Variants in USP33 observed in about 807,000 individuals in gnomAD.
The protein encoded by USP33 is ubiquitin specific peptidase 33, also known as ubiquitin carboxyl-terminal hydrolase 33.
In USP33, 46 loss-of-function variants were observed where a neutral mutation model predicts 124.2. The ratio of observed to expected loss-of-function variants is 0.37; its 90% CI spans 0.29 to 0.47. The LOEUF is 0.47. Among genes scored for constraint, USP33 ranks in the 20% least tolerant of loss-of-function variants. The pLI, the probability that USP33 is intolerant of heterozygous loss-of-function variation, is 0.99. For missense variants in USP33, 851 were observed against 1,070.6 expected (o/e 0.79, Z 2.86); for synonymous variants, 350 against 352.3 (o/e 0.99, Z 0.07).
chr1:77,734,731 T>C (rs1039892183), intron 6 of USP33, among the ~76,000 whole-genome samples: 3 of 152,232 alleles, frequency 2.0e-5, no homozygotes, highest in African/African-American at 7.2e-5. Context: ...TAACTAAAGT[T>C]TAATTATTTT....
intron 1 of USP33, among the ~76,000 whole-genome samples, chr1:77,757,842 C>A (rs905271159): frequency 1.1e-4 from 16 of 152,222 alleles, no homozygotes; most frequent in African/African-American, 3.9e-4. Flanking sequence ...TCTTGGCATT[C>A]GGAGCTCAGA....
chr1:77,735,079 C>T (rs1489071983), intron 6 of USP33, among the ~76,000 whole-genome samples: 3 of 151,336 alleles, frequency 2.0e-5, no homozygotes, highest in African/African-American at 7.3e-5. Context: ...GCCGAGATTG[C>T]ACCACTGCAC....
At chr1:77,718,711 T>G (rs1443062158) in intron 15 of USP33, 70 bp from the exon 16 acceptor site, 1 of 1,261,788 alleles carries the variant, frequency 7.9e-7, no homozygotes, top group Non-Finnish European at 1.1e-6. Flanking sequence ...GCAACAAAAA[T>G]CTTTTAGAAA....
At chr1:77,705,899 A>C (rs1674573073) in intron 21 of USP33, among the ~76,000 whole-genome samples, 4 of 152,188 alleles carry the variant, frequency 2.6e-5, no homozygotes. Flanking sequence ...CATATAAATG[A>C]AATTAGACAT....
chr1:77,738,330 A>C (rs1678715908), intron 5 of USP33, among the ~76,000 whole-genome samples: 1 of 152,240 alleles, frequency 6.6e-6, no homozygotes, highest in Admixed American at 6.5e-5. Context: ...ATTCTGATCA[A>C]CTGATGATCT....
At chr1:77,745,231 G>A (rs1018167268) in intron 1 of USP33, among the ~76,000 whole-genome samples, 2 of 152,208 alleles carry the variant, frequency 1.3e-5, no homozygotes, top group Admixed American at 6.5e-5. Flanking sequence ...TTTTATCAGA[G>A]ACTAGGATTG....
Position 77,734,772 on chromosome 1 carries a change from G to A in USP33, c.455-356C>T, listed in dbSNP as rs562220794. ...AATTAATGACAATGCAAAAAAACTC[G>A]TCATGATAAATGATAAGCAAACACC... On this transcript the variant is annotated intron_variant, in intron 6 of 23. Coordinates refer to ENST00000370794, the MANE Select transcript of USP33 (RefSeq NM_201624.3). Among the ~76,000 whole-genome samples the A allele has an allele frequency of 5.3e-5, 8 of 152,208 alleles. No homozygotes were observed. In the East Asian group the frequency reaches 5.8e-4, roughly 11 times the overall value.
At chr1:77,743,789 G>A (rs555811932) in intron 1 of USP33, among the ~76,000 whole-genome samples, 78 of 152,200 alleles carry the variant, frequency 5.1e-4, no homozygotes, top group African/African-American at 1.7e-3. Context: ...CTCAATAATC[G>A]GAAGAAATTA....
At chr1:77,718,734 A>C in intron 15 of USP33, 93 bp from the exon 16 acceptor site, 2 of 1,004,008 alleles carry the variant, frequency 2.0e-6, no homozygotes, top group Non-Finnish European at 3.0e-6. Context: ...GCAGAGATCC[A>C]GCCTGGCAAA....
chr1:77,709,882 T>C (rs1027930617), intron 21 of USP33, among the ~76,000 whole-genome samples: 24 of 144,878 alleles, frequency 1.7e-4, no homozygotes, highest in African/African-American at 3.3e-4. Context: ...TGCATACACA[T>C]ACACACACAC....
chr1:77,705,348 C>A (rs1674510053), intron 21 of USP33, among the ~76,000 whole-genome samples: 1 of 152,080 alleles, frequency 6.6e-6, no homozygotes, highest in South Asian at 2.1e-4. Context: ...GCACCCGCCA[C>A]CATGCCTGGC....
chr1:77,758,352 T>C (rs1681001972), intron 1 of USP33, among the ~76,000 whole-genome samples: 1 of 152,074 alleles, frequency 6.6e-6, no homozygotes, highest in African/African-American at 2.4e-5. Context: ...GGCTAATTTT[T>C]TGTAATTTTT....
intron 7 of USP33, among the ~76,000 whole-genome samples, chr1:77,730,965 A>G (rs1570805264): frequency 1.3e-5 from 2 of 152,234 alleles, no homozygotes; most frequent in Admixed American, 1.3e-4. Flanking sequence ...GTCCCCACTC[A>G]GTAACATTTG....
At chr1:77,735,880 C>A (rs1322059882) in intron 6 of USP33, among the ~76,000 whole-genome samples, 176 bp downstream of exon 6, 1 of 151,996 alleles carries the variant, frequency 6.6e-6, no homozygotes, top group East Asian at 1.9e-4. Context: ...TAAACTGACA[C>A]CAGAGAAACC....
intron 5 of USP33, among the ~76,000 whole-genome samples, chr1:77,736,908 T>C (rs1337962561): frequency 6.6e-6 from 1 of 152,136 alleles, no homozygotes; most frequent in Non-Finnish European, 1.5e-5. Context: ...ACACCCGGCC[T>C]GCACACTTTT....
At position 77,715,741 on chromosome 1, in the gene USP33, C is replaced by T; in HGVS notation, c.2045+1G>A. 6.2e-7 allele frequency: 1 copy of T among 1,612,582 alleles called. No homozygotes were observed. The highest frequency in any genetic ancestry group is 8.5e-7 in the Non-Finnish European group (1 of 1,179,532). On this transcript the variant is annotated splice_donor_variant, in intron 18 of 23. Coordinates refer to ENST00000370794, the MANE Select transcript of USP33 (RefSeq NM_201624.3). LOFTEE classifies it high-confidence loss of function. ...TTCGCATCTACACTTATTTCCATTACCTATAGAAAAGAACGTAAGCTTCTG... is the reference window on the plus strand; with the variant it reads ...TTCGCATCTACACTTATTTCCATTATCTATAGAAAAGAACGTAAGCTTCTG...
At chr1:77,706,346 A>C (rs1674626482) in intron 21 of USP33, among the ~76,000 whole-genome samples, 1 of 152,142 alleles carries the variant, frequency 6.6e-6, no homozygotes, top group African/African-American at 2.4e-5. Flanking sequence ...CTTAAGGGTA[A>C]TTCCTATCCA....
chr1:77,715,126 T>C (rs576977761), intron 18 of USP33, among the ~76,000 whole-genome samples: 1 of 152,302 alleles, frequency 6.6e-6, no homozygotes, highest in Admixed American at 6.5e-5. Context: ...ATAGTAATAC[T>C]TTCATTATTA....
In USP33 at chr1:77,731,414, G is replaced by A. The variant is rs1019110311; in HGVS notation, c.525-683C>T. Reference sequence around the variant, plus strand: ...TGTCGTGAGTTTGATTAGCTTGAGGGAATCTCCATAAATCTATTTATAGGA... The same window carrying A: ...TGTCGTGAGTTTGATTAGCTTGAGGAAATCTCCATAAATCTATTTATAGGA... On this transcript the variant is annotated intron_variant, in intron 7 of 23. Transcript: ENST00000370794. 1.8e-4 allele frequency among the ~76,000 whole-genome samples: 27 copies of A among 152,266 alleles called. No individual in the cohort carries two copies. The South Asian group carries it at 5.6e-3, about 32-fold the overall frequency.
Sources: gnomAD v4.1 joint callset for allele counts (sites outside exome capture counted in the v4.1 genomes callset) on GRCh38, gnomAD v4.1.1 for gene constraint, MANE v1.5 for transcripts, NCBI Gene and HGNC (gene_info 2026-07-23, HGNC 2026-07-21) for gene names.